NRG3: variants seen among roughly 807,000 people sequenced by gnomAD.
NRG3 encodes the protein neuregulin 3.
A neutral mutation model predicts 66.9 loss-of-function variants in NRG3; 31 were observed. The ratio of observed to expected loss-of-function variants is 0.46; its 90% confidence interval spans 0.35 to 0.63. NRG3 has a LOEUF of 0.63. Among genes scored for constraint, NRG3 ranks in the 20% least tolerant of loss-of-function variants. NRG3 has a pLI of 0.00. For missense variants in NRG3, 910 were observed against 878.9 expected (o/e 1.04, Z -0.45); for synonymous variants, 393 against 359.4 (o/e 1.09, Z -1.06).
intron 1 of NRG3, among the ~76,000 whole-genome samples, chr10:82,267,540 C>T (rs541937220): frequency 6.6e-6 from 1 of 152,292 alleles, no homozygotes; most frequent in African/African-American, 2.4e-5. Context: ...TTGTTTCTTC[C>T]TCTGCTCTGG....
At chr10:82,920,375 C>T (rs536947881) in intron 4 of NRG3, among the ~76,000 whole-genome samples, 1 of 152,130 alleles carries the variant, frequency 6.6e-6, no homozygotes, top group African/African-American at 2.4e-5. Context: ...CTAGAATGAT[C>T]CATGTGGTAA....
intron 2 of NRG3, among the ~76,000 whole-genome samples, chr10:82,403,299 C>T (rs2087250101): frequency 6.6e-6 from 1 of 152,128 alleles, no homozygotes. Flanking sequence ...TCCAGATTGT[C>T]ATCCGCATCT....
intron 1 of NRG3, among the ~76,000 whole-genome samples, chr10:82,303,985 C>T (rs1198410385): frequency 6.6e-6 from 1 of 152,142 alleles, no homozygotes; most frequent in Non-Finnish European, 1.5e-5. Context: ...ACATGAATGA[C>T]ATTGTCATTT....
intron 2 of NRG3, among the ~76,000 whole-genome samples, chr10:82,624,166 A>G (rs561075068): frequency 7.9e-5 from 12 of 152,300 alleles, no homozygotes; most frequent in African/African-American, 2.6e-4. Context: ...ATGAGATAAT[A>G]TTCATAAAAG....
intron 1 of NRG3, among the ~76,000 whole-genome samples, chr10:82,289,399 G>A (rs528851898): frequency 6.6e-6 from 1 of 152,100 alleles, no homozygotes; most frequent in Non-Finnish European, 1.5e-5. Flanking sequence ...TAGGAAAAGA[G>A]CAAAGTAATT....
At chr10:82,564,219 T>A (rs2045243421) in intron 2 of NRG3, among the ~76,000 whole-genome samples, 1 of 152,114 alleles carries the variant, frequency 6.6e-6, no homozygotes, top group South Asian at 2.1e-4. Flanking sequence ...AGAAATGTAT[T>A]TGTAGGAAAT....
At chr10:82,957,450 G>A (rs1260535332) in intron 5 of NRG3, among the ~76,000 whole-genome samples, 5 of 151,780 alleles carry the variant, frequency 3.3e-5, no homozygotes, top group Non-Finnish European at 7.4e-5. Context: ...AAAATTCAAG[G>A]GCATGATTCT....
chr10:82,628,964 C>A (rs1170053864), intron 2 of NRG3, among the ~76,000 whole-genome samples: 1 of 152,134 alleles, frequency 6.6e-6, no homozygotes, highest in African/African-American at 2.4e-5. Context: ...TGAACTGAGA[C>A]CCTGGTCTTG....
chr10:82,356,517 A>C lies in NRG3; in HGVS notation c.824-2222A>C, dbSNP rs199548530. On this transcript the variant is annotated intron_variant, in intron 1 of 8. Coordinates refer to ENST00000372141, the MANE Select transcript of NRG3 (RefSeq NM_001010848.4). ...GATTGATTCTGTGTGACTGTTTATC[A>C]CGTACTGTCTTGAATAACAGATCTT... Among the ~76,000 whole-genome samples, 3 of 152,320 alleles carry C rather than the reference A, an allele frequency of 2.0e-5. No homozygotes were observed. In the East Asian group the frequency reaches 5.8e-4, roughly 29 times the overall value.
rs956501936 is a variant in NRG3 at position 82,986,308 on chromosome 10, T to A, written c.*703T>A. 6.6e-6 allele frequency: 1 copy of A among 152,098 alleles called. No homozygotes were observed. Among genetic ancestry groups the A allele is most frequent in the Admixed American group, 6.6e-5 (1 of 15,260 alleles). The allele number at this position is 152,098 out of a possible 1,614,324, so 9.4% of individuals were successfully genotyped here. A position where few individuals can be genotyped will look rare whatever the true frequency, so the allele number is the denominator to read the frequency against. ...GTCACTAAAATCATGCTAATAGAAA[T>A]GTTTTTCCTTGAGATTGTTTAGAGG... is the stretch of plus-strand genomic sequence containing the variant. On this transcript the variant is annotated 3_prime_UTR_variant, in exon 9 of 9. Coordinates refer to ENST00000372141, the MANE Select transcript of NRG3 (RefSeq NM_001010848.4).
At chr10:82,321,483 T>C (rs1276238688) in intron 1 of NRG3, among the ~76,000 whole-genome samples, 2 of 152,222 alleles carry the variant, frequency 1.3e-5, no homozygotes, top group African/African-American at 4.8e-5. Context: ...GAGAAGATAA[T>C]GACTTAAACT....
At chr10:82,393,855 G>T (rs1049016026) in intron 2 of NRG3, among the ~76,000 whole-genome samples, 5 of 152,140 alleles carry the variant, frequency 3.3e-5, no homozygotes, top group African/African-American at 1.2e-4. Context: ...TGGTACCTGT[G>T]CACTCTATGA....
intron 1 of NRG3, among the ~76,000 whole-genome samples, chr10:82,184,188 C>T (rs1008779748): frequency 6.6e-6 from 1 of 152,114 alleles, no homozygotes; most frequent in African/African-American, 2.4e-5. Flanking sequence ...ATATTATTTA[C>T]ACTTTTCACT....
chr10:82,185,401 T>C (rs1302545972), intron 1 of NRG3, among the ~76,000 whole-genome samples: 2 of 152,140 alleles, frequency 1.3e-5, no homozygotes, highest in South Asian at 2.1e-4. Context: ...TTTTTCCATC[T>C]CTGAGCTTTA....
At chr10:82,888,649 A>G (rs1286284818) in intron 4 of NRG3, among the ~76,000 whole-genome samples, 7 of 152,188 alleles carry the variant, frequency 4.6e-5, no homozygotes. Context: ...TAAAACTGAC[A>G]AAGATTTCTG....
intron 1 of NRG3, among the ~76,000 whole-genome samples, chr10:82,303,660 G>A (rs904069315): frequency 6.6e-6 from 1 of 152,090 alleles, no homozygotes; most frequent in Non-Finnish European, 1.5e-5. Context: ...ATGAGGTCAG[G>A]AGTTCAAGAC....
intron 1 of NRG3, among the ~76,000 whole-genome samples, chr10:82,017,977 C>T (rs957377900): frequency 1.3e-5 from 2 of 152,024 alleles, no homozygotes; most frequent in South Asian, 2.1e-4. Context: ...GCTTTTTTTG[C>T]CATAGCTTTT....
rs1411727438 is a variant in NRG3, at chr10:82,985,850, C to T, written c.*245C>T. 2 of 419,656 alleles carry T rather than the reference C, an allele frequency of 4.8e-6. No individual in the cohort carries two copies. The highest frequency in any genetic ancestry group is 8.1e-5 in the Admixed American group (2 of 24,718). 26.0% of individuals were successfully genotyped at this position (419,656 alleles called of 1,614,324 possible). ...TTCTGAATCCAATTTCGTTTAGTCC[C>T]AACACTGTCCTCTTTGGCTCTTAGA... On this transcript the variant is annotated 3_prime_UTR_variant, in exon 9 of 9. Coordinates refer to ENST00000372141, the MANE Select transcript of NRG3 (RefSeq NM_001010848.4).
chr10:82,326,716 T>C (rs1222981990), intron 1 of NRG3, among the ~76,000 whole-genome samples: 4 of 152,154 alleles, frequency 2.6e-5, no homozygotes, highest in Admixed American at 2.6e-4. Flanking sequence ...ATAGTTTTCA[T>C]CTCTCATTTG....
Sources: allele counts gnomAD v4.1 joint callset (sites outside exome capture counted in the v4.1 genomes callset), GRCh38; gene constraint gnomAD v4.1.1; transcripts MANE v1.5; gene names NCBI Gene and HGNC (gene_info 2026-07-23, HGNC 2026-07-21).